PAOX: variants seen among roughly 807,000 people sequenced by gnomAD.
The protein encoded by PAOX is polyamine oxidase, also known as peroxisomal N(1)-acetyl-spermine/spermidine oxidase.
A neutral mutation model predicts 39.0 loss-of-function variants in PAOX; 38 were observed. That is an observed-to-expected ratio of 0.97 (90% CI 0.75 to 1.28). The LOEUF is 1.28. Among genes scored for constraint, PAOX ranks in the 50% most tolerant of loss-of-function variants. The pLI is 0.00. For synonymous variants in PAOX, 311 were observed against 314.4 expected (o/e 0.99, Z 0.11); for missense variants, 667 against 685.7 (o/e 0.97, Z 0.30).
Position 133,379,504 on chromosome 10 carries a change from G to T in PAOX, c.181+7G>T. ...CGCTCGGAGCGCTGCTTCGGTAACC[G>T]CCCCTCCCGGAGCCCCTCCCGGAAC... On this transcript the variant is annotated splice_region_variant and intron_variant, in intron 1 of 6. Transcript: ENST00000278060. 6 of 1,225,418 alleles carry T rather than the reference G, an allele frequency of 4.9e-6. No homozygotes were observed. Among genetic ancestry groups the T allele is most frequent in the Non-Finnish European group, 6.1e-6 (6 of 983,990 alleles). The allele number at this position is 1,225,418 out of a possible 1,614,324, so 75.9% of individuals were successfully genotyped here.
chr10:133,391,038 C>T, intron 6 of PAOX: 1 of 702,394 alleles, frequency 1.4e-6, no homozygotes, highest in Non-Finnish European at 2.6e-6. Context: ...TGCGTGTGAG[C>T]CGTTTTCCCG....
chr10:133,390,739 T>G (rs1849652419), intron 6 of PAOX: 14 of 565,630 alleles, frequency 2.5e-5, no homozygotes, highest in African/African-American at 1.9e-5. Context: ...TTCTTGAGTT[T>G]TCAGTTTCAG....
chr10:133,390,017 G>A (rs1271999854), intron 6 of PAOX, among the ~76,000 whole-genome samples: 2 of 152,106 alleles, frequency 1.3e-5, no homozygotes, highest in African/African-American at 2.4e-5. Context: ...CTTCTCAGAC[G>A]GTGCTCCCAG....
chr10:133,380,484 A>G lies in PAOX; in HGVS notation c.667A>G (p.Lys223Glu). ...GCCGGGGCTGGACTGCACCTTTTCT[A>G]AGTGCGTGCCTGAGCCCCTGCCCCG... ...VLPGLDCTFSKGYQGLTNCMM... is the reference protein window; with the variant it reads ...VLPGLDCTFSEGYQGLTNCMM... The change falls in exon 2 of 7, where the codon AAG becomes GAG. Residue 223 changes from lysine to glutamate, a missense_variant and splice_region_variant. By Grantham distance (56) the Lys-to-Glu change is moderately conservative. Transcript: ENST00000278060. 9 of 1,599,746 alleles carry G rather than the reference A, an allele frequency of 5.6e-6. No homozygotes were observed. The highest frequency in any genetic ancestry group is 7.7e-6 in the Non-Finnish European group (9 of 1,175,920).
intron 2 of PAOX, among the ~76,000 whole-genome samples, chr10:133,380,953 G>C: frequency 6.6e-6 from 1 of 152,234 alleles, no homozygotes; most frequent in Non-Finnish European, 1.5e-5. Flanking sequence ...ACTCCAACCT[G>C]GGCGACAGAG....
In PAOX at chr10:133,380,471, C is replaced by T. The variant is rs775112564; in HGVS notation, c.654C>T (p.Asp218=). The change falls in exon 2 of 7, where the codon GAC becomes GAT. Residue 218 remains aspartate (D), a synonymous_variant. Coordinates refer to ENST00000278060, the MANE Select transcript of PAOX (RefSeq NM_152911.4). Reference sequence around the variant, plus strand: ...AGTATACCGTGCTGCCGGGGCTGGACTGCACCTTTTCTAAGTGCGTGCCTG... The same window carrying T: ...AGTATACCGTGCTGCCGGGGCTGGATTGCACCTTTTCTAAGTGCGTGCCTG... ...FGEYTVLPGL[D]CTFSKGYQGL... is the part of the protein sequence containing the mutation. 1.9e-6 allele frequency: 3 copies of T among 1,608,542 alleles called. No individual in the cohort carries two copies. The African/African-American group carries it at 4.0e-5, about 21-fold the overall frequency.
chr10:133,389,790 G>A (rs773445563), intron 6 of PAOX, 43 bp downstream of exon 6: 80 of 1,410,266 alleles, frequency 5.7e-5, no homozygotes, highest in Non-Finnish European at 5.2e-5. Context: ...TCCCGCTGCA[G>A]AGGCCCCCGC....
intron 6 of PAOX, among the ~76,000 whole-genome samples, chr10:133,390,303 G>A (rs1225829370): frequency 1.3e-5 from 2 of 152,096 alleles, no homozygotes; most frequent in East Asian, 3.9e-4. Context: ...TGATGCTGAG[G>A]GCAGTGGCTC....
intron 4 of PAOX, among the ~76,000 whole-genome samples, chr10:133,387,725 T>G (rs983417427): frequency 8.5e-5 from 13 of 152,152 alleles, no homozygotes; most frequent in African/African-American, 3.1e-4. Flanking sequence ...CCACGCAGAT[T>G]ATTATTATTT....
At chr10:133,382,636 G>C (rs1849418455) in intron 3 of PAOX, among the ~76,000 whole-genome samples, 1 of 152,124 alleles carries the variant, frequency 6.6e-6, no homozygotes, top group Non-Finnish European at 1.5e-5. Flanking sequence ...CCAAAAATTA[G>C]CTGGGCATGG....
intron 5 of PAOX, among the ~76,000 whole-genome samples, chr10:133,389,374 G>C (rs1564814622): frequency 6.6e-6 from 1 of 152,096 alleles, no homozygotes. Context: ...CCCGGGTCCC[G>C]GCCCGCTGCT....
At chr10:133,381,048 G>A (rs1445449964) in intron 2 of PAOX, among the ~76,000 whole-genome samples, 1 of 152,236 alleles carries the variant, frequency 6.6e-6, no homozygotes, top group African/African-American at 2.4e-5. Flanking sequence ...CAACTGCAGA[G>A]GGGGCCAGAC....
At chr10:133,388,184 A>G (rs1849576553) in intron 4 of PAOX, among the ~76,000 whole-genome samples, 2 of 152,152 alleles carry the variant, frequency 1.3e-5, no homozygotes, top group Non-Finnish European at 1.5e-5. Flanking sequence ...ATATACGTGC[A>G]GGTTTGTTAT....
In PAOX at chr10:133,384,903, CATA is replaced by C. The variant is rs1849492110; in HGVS notation, c.1121+692_1121+694del. Among the ~76,000 whole-genome samples, 1 of 152,214 alleles carries C rather than the reference CATA, an allele frequency of 6.6e-6. No individual in the cohort carries two copies. The highest frequency in any genetic ancestry group is 2.4e-5 in the African/African-American group (1 of 41,448). On this transcript the variant is annotated intron_variant, in intron 4 of 6. Transcript: ENST00000278060. This position sits in a 1 kb window ranked among gnomAD's most constrained non-coding sequence, Gnocchi z 4.3. ...TGTAGGGCATGCCTGCCAGATGGTTCATAGTTGCCATCCACTGGGAGCAGGAGG... is the reference window on the plus strand; with the variant it reads ...TGTAGGGCATGCCTGCCAGATGGTTCGTTGCCATCCACTGGGAGCAGGAGG...
Position 133,391,280 on chromosome 10 carries a change from A to G in PAOX, c.1393-32A>G, listed in dbSNP as rs1193213240. The G allele has an allele frequency of 1.1e-5, 18 of 1,600,822 alleles. No homozygotes were observed. In the Admixed American group the frequency reaches 2.5e-4, roughly 22 times the overall value. ...GCCCAGACCCTGCTGTCTGAATTGCATCCCCATTCTAACCCTGGCTCTTCT... is the reference window on the plus strand; with the variant it reads ...GCCCAGACCCTGCTGTCTGAATTGCGTCCCCATTCTAACCCTGGCTCTTCT... On this transcript the variant is annotated intron_variant, in intron 6 of 6. Coordinates refer to ENST00000278060, the MANE Select transcript of PAOX (RefSeq NM_152911.4).
chr10:133,379,671 G>A, intron 1 of PAOX, 174 bp downstream of exon 1: 1 of 622,370 alleles, frequency 1.6e-6, no homozygotes, highest in Non-Finnish European at 2.3e-6. Context: ...AGGGCTCAGA[G>A]TTAGTCAGGA....
intron 4 of PAOX, 135 bp from the exon 5 acceptor site, chr10:133,388,819 CTG>C (rs1849590977): frequency 6.8e-6 from 5 of 739,148 alleles, no homozygotes; most frequent in South Asian, 1.6e-5. Context: ...GGGCTGGACA[CTG>C]TCATCCCGGG....
chr10:133,381,328 T>C, intron 2 of PAOX, 132 bp from the exon 3 acceptor site: 1 of 803,702 alleles, frequency 1.2e-6, no homozygotes, highest in South Asian at 1.7e-5. Flanking sequence ...CTGACCTCCT[T>C]GCTGGCCCTG....
intron 4 of PAOX, among the ~76,000 whole-genome samples, 189 bp from the exon 5 acceptor site, chr10:133,388,767 C>T (rs1849590145): frequency 6.6e-6 from 1 of 152,228 alleles, no homozygotes; most frequent in African/African-American, 2.4e-5. Flanking sequence ...GGGGCCCCTG[C>T]TCCATCAGTG....
Sources: gnomAD v4.1 joint callset for allele counts (sites outside exome capture counted in the v4.1 genomes callset) on GRCh38, gnomAD v4.1.1 for gene constraint, Gnocchi (gnomAD v3.1) non-coding constraint, MANE v1.5 for transcripts, NCBI Gene and HGNC (gene_info 2026-07-23, HGNC 2026-07-21) for gene names.